GALM: variants seen among roughly 807,000 people sequenced by gnomAD.
The protein encoded by GALM is galactose mutarotase, also known as aldose 1-epimerase.
GALM carries 43 observed loss-of-function variants against 37.4 expected under a neutral mutation model. The ratio of observed to expected loss-of-function variants is 1.15; its 90% CI spans 0.90 to 1.48. The LOEUF is 1.48. GALM is among the 40% of genes most tolerant of loss of function. The pLI is 0.00. For synonymous variants in GALM, 199 were observed against 170.6 expected (o/e 1.17, Z -1.30); for missense variants, 456 against 419.1 (o/e 1.09, Z -0.77).
intron 3 of GALM, among the ~76,000 whole-genome samples, chr2:38,686,264 CTTT>C (rs1665526065): frequency 9.6e-6 from 1 of 104,586 alleles, no homozygotes; most frequent in Admixed American, 9.4e-5. Flanking sequence ...TTCTTTCTTT[CTTT>C]CTTTCTTTCT....
intron 3 of GALM, among the ~76,000 whole-genome samples, chr2:38,689,009 G>A (rs1478652876): frequency 6.6e-6 from 1 of 152,120 alleles, no homozygotes; most frequent in Non-Finnish European, 1.5e-5. Context: ...TAGTAGAGAC[G>A]GGGCTTCTTC....
chr2:38,707,224 T>A (rs1666050859), intron 4 of GALM, among the ~76,000 whole-genome samples: 1 of 152,004 alleles, frequency 6.6e-6, no homozygotes, highest in Non-Finnish European at 1.5e-5. Context: ...AGCAGCTGGA[T>A]GCATGAGTGT....
intron 3 of GALM, among the ~76,000 whole-genome samples, chr2:38,688,191 G>A (rs1476053333): frequency 6.8e-6 from 1 of 147,002 alleles, no homozygotes; most frequent in Non-Finnish European, 1.5e-5. Context: ...CGGCCTGGGC[G>A]ACAGAGTGAG....
chr2:38,728,617 G>A (rs538631945), intron 4 of GALM, among the ~76,000 whole-genome samples: 3 of 152,148 alleles, frequency 2.0e-5, no homozygotes, highest in South Asian at 2.1e-4. Context: ...CCCAGGAGGC[G>A]GAGGTTGCAC....
chr2:38,691,396 C>T (rs1572522326), intron 4 of GALM, among the ~76,000 whole-genome samples: 1 of 152,002 alleles, frequency 6.6e-6, no homozygotes, highest in African/African-American at 2.4e-5. Context: ...AACTTGCGTT[C>T]GCTGGGTATG....
chr2:38,690,442 G>T (rs983060199), intron 4 of GALM, among the ~76,000 whole-genome samples: 5 of 151,956 alleles, frequency 3.3e-5, no homozygotes, highest in Non-Finnish European at 7.4e-5. Context: ...TTGGGAGGGG[G>T]GCGGTGCGGG....
chr2:38,700,338 C>A (rs953747814), intron 4 of GALM, among the ~76,000 whole-genome samples: 2 of 152,154 alleles, frequency 1.3e-5, no homozygotes, highest in Non-Finnish European at 2.9e-5. Context: ...TTGAATTCCC[C>A]AGCTATTGTA....
At chr2:38,698,707 T>C (rs1665859937) in intron 4 of GALM, among the ~76,000 whole-genome samples, 1 of 152,178 alleles carries the variant, frequency 6.6e-6, no homozygotes, top group Non-Finnish European at 1.5e-5. Flanking sequence ...GGGGTGTAGA[T>C]AATGGATGTC....
intron 1 of GALM, among the ~76,000 whole-genome samples, chr2:38,671,962 G>A (rs1370559670): frequency 2.0e-5 from 3 of 151,908 alleles, no homozygotes; most frequent in Admixed American, 1.3e-4. Flanking sequence ...CTCCAGCCTA[G>A]GTGACAGAGA....
chr2:38,680,673 T>C (rs1207797908), intron 2 of GALM, among the ~76,000 whole-genome samples: 1 of 151,720 alleles, frequency 6.6e-6, no homozygotes, highest in Admixed American at 6.6e-5. Context: ...TCTCAGCAGA[T>C]ATTGCTATAT....
At chr2:38,667,522 A>G (rs1246637745) in intron 1 of GALM, among the ~76,000 whole-genome samples, 1 of 152,118 alleles carries the variant, frequency 6.6e-6, no homozygotes, top group Non-Finnish European at 1.5e-5. Context: ...GTGAGCCAAG[A>G]TTGCGCCACT....
chr2:38,704,376 TA>T (rs1442187286), intron 4 of GALM, among the ~76,000 whole-genome samples: 1 of 152,046 alleles, frequency 6.6e-6, no homozygotes, highest in African/African-American at 2.4e-5. Flanking sequence ...ATTTAAAAAA[TA>T]TTTTTTTTGA....
At chr2:38,731,938 AGAGTT>A in intron 6 of GALM, 29 bp downstream of exon 6, 1 of 1,596,726 alleles carries the variant, frequency 6.3e-7, no homozygotes, top group African/African-American at 1.3e-5. Flanking sequence ...TTTTCAGAGT[AGAGTT>A]GTGTCCAAGG....
intron 1 of GALM, 97 bp from the exon 2 acceptor site, chr2:38,675,811 CGCCT>C: frequency 9.4e-7 from 1 of 1,062,942 alleles, no homozygotes; most frequent in South Asian, 1.4e-5. Flanking sequence ...CCTTGTGATC[CGCCT>C]GCCTCGGCCT....
At position 38,666,289 on chromosome 2, in the gene GALM, T is replaced by C; in HGVS notation, c.128T>C (p.Leu43Pro). The C allele has an allele frequency of 1.2e-6, 2 of 1,613,950 alleles. No homozygotes were observed. Among genetic ancestry groups the C allele is most frequent in the Admixed American group, 1.7e-5 (1 of 60,008 alleles). ...IISWGCTITA[L>P]EVKDRQGRAS... ...TCCTGGGGCTGCACGATCACAGCCC[T>C]AGAGGTCAAAGACAGGCAGGGGAGA... Residue 43 changes from leucine to proline, a missense_variant, in exon 1 of 7, where the codon CTA (leucine) becomes CCA (proline). By Grantham distance (98) the Leu-to-Pro change is moderately conservative (BLOSUM62 -3). Transcript: ENST00000272252.
At position 38,666,281 on chromosome 2, in the gene GALM, C is replaced by A. The variant is rs1443851938; in HGVS notation, c.120C>A (p.Ile40=). 3 of 1,613,942 alleles carry A rather than the reference C, an allele frequency of 1.9e-6. No individual in the cohort carries two copies. Among genetic ancestry groups the A allele is most frequent in the African/African-American group, 1.3e-5 (1 of 75,050 alleles). ...RVDIISWGCT[I]TALEVKDRQG... ...ACATCATCTCCTGGGGCTGCACGAT[C>A]ACAGCCCTAGAGGTCAAAGACAGGC... Residue 40 remains isoleucine (I), a synonymous_variant, in exon 1 of 7, where the codon ATC becomes ATA. Transcript: ENST00000272252.
chr2:38,728,463 G>A (rs533805147), intron 4 of GALM, among the ~76,000 whole-genome samples: 6 of 151,262 alleles, frequency 4.0e-5, no homozygotes, highest in East Asian at 1.9e-4. Flanking sequence ...TTGGGAGGCC[G>A]AGGTGGGCAG....
In GALM at chr2:38,731,873, C is replaced by T. The variant is rs766236363; in HGVS notation, c.915C>T (p.Cys305=). The T allele has an allele frequency of 6.2e-6, 10 of 1,614,076 alleles. No homozygotes were observed. The highest frequency in any genetic ancestry group is 8.5e-6 in the Non-Finnish European group (10 of 1,179,980). The change falls in exon 6 of 7, where the codon TGC becomes TGT. Residue 305 remains cysteine, a synonymous_variant. Coordinates refer to ENST00000272252, the MANE Select transcript of GALM (RefSeq NM_138801.3). ...TCTATCCCAAGCACTCCGGTTTCTG[C>T]CTGGAGACTCAGAACTGGCCTGATG... The part of the protein sequence containing the change: ...GAVYPKHSGF[C]LETQNWPDAV...
chr2:38,721,834 C>G (rs1173375043), intron 4 of GALM, among the ~76,000 whole-genome samples: 1 of 152,120 alleles, frequency 6.6e-6, no homozygotes, highest in East Asian at 1.9e-4. Flanking sequence ...TTGAGATCCA[C>G]TCATCCAATG....
Sources: allele counts gnomAD v4.1 joint callset (sites outside exome capture counted in the v4.1 genomes callset), GRCh38; gene constraint gnomAD v4.1.1; transcripts MANE v1.5; gene names NCBI Gene and HGNC (gene_info 2026-07-23, HGNC 2026-07-21).